The following LSAMP variants were observed in gnomAD, a reference collection of about 807,000 sequenced individuals.
The protein encoded by LSAMP is limbic system-associated membrane protein.
A neutral mutation model predicts 38.6 loss-of-function variants in LSAMP; 7 were observed. The observed-to-expected ratio is 0.18, with a 90% CI of 0.10 to 0.34. The LOEUF (loss-of-function observed/expected upper bound fraction) is 0.34. Among genes scored for constraint, LSAMP ranks in the 10% least tolerant of loss-of-function variants. The pLI, the probability that LSAMP is intolerant of heterozygous loss-of-function variation, is 1.00. For synonymous variants in LSAMP, 154 were observed against 166.8 expected (o/e 0.92, Z 0.59); for missense variants, 313 against 420.0 (o/e 0.75, Z 2.23).
chr3:116,326,348 A>G (rs773501962), intron 1 of LSAMP, among the ~76,000 whole-genome samples: 5 of 152,136 alleles, frequency 3.3e-5, no homozygotes, highest in African/African-American at 4.8e-5. Flanking sequence ...ATTTTTATTT[A>G]GGGCAAAAGA....
chr3:116,115,138 G>A (rs138036691), intron 1 of LSAMP, among the ~76,000 whole-genome samples: 1 of 152,248 alleles, frequency 6.6e-6, no homozygotes, highest in African/African-American at 2.4e-5. Flanking sequence ...TTACATTTGG[G>A]GAATTTATTT....
intron 2 of LSAMP, among the ~76,000 whole-genome samples, chr3:116,036,553 A>T (rs376222620): frequency 6.6e-6 from 1 of 152,128 alleles, no homozygotes; most frequent in Non-Finnish European, 1.5e-5. Flanking sequence ...GCCCACCCCA[A>T]TTATAAATCT....
At position 116,433,563 on chromosome 3, in the gene LSAMP, A is replaced by G. The variant is rs183929609; in HGVS notation, c.155+11314T>C. ...CCAGGAATGTGTAATGAGCTCTAAG[A>G]TGCAATGCCCAGGTAAGCATCACTA... On this transcript the variant is annotated intron_variant, in intron 1 of 6. Coordinates refer to ENST00000490035, the MANE Select transcript of LSAMP (RefSeq NM_002338.5). Among the ~76,000 whole-genome samples, 455 of 152,324 alleles carry G rather than the reference A, an allele frequency of 3.0e-3. 2 individuals are homozygous for G. Among genetic ancestry groups the G allele is most frequent in the African/African-American group, 8.4e-3 (349 of 41,574 alleles).
chr3:115,946,100 GA>G (rs1424537150), intron 3 of LSAMP, among the ~76,000 whole-genome samples: 1 of 152,136 alleles, frequency 6.6e-6, no homozygotes, highest in Non-Finnish European at 1.5e-5. Context: ...TTCTAGGTAT[GA>G]CAAAGTAATT....
rs1352019629 is a variant in LSAMP at position 115,869,269 on chromosome 3, G to GGGGAGAGAGAGAGAGAGA, written c.515-16653_515-16652insTCTCTCTCTCTCTCTCCC. ...CCTTCATAACCTCTATCTTGGAGGG[G>GGGGAGAGAGAGAGAGAGA]GAGAGAGAGAGAGAGAGAGAGAGAG... is the stretch of plus-strand genomic sequence containing the variant. On this transcript the variant is annotated intron_variant, in intron 3 of 6. Transcript: ENST00000490035. Among the ~76,000 whole-genome samples, 118 of 128,488 alleles carry GGGGAGAGAGAGAGAGAGA rather than the reference G, an allele frequency of 9.2e-4. 1 individual carries two copies. In the Admixed American group the frequency reaches 1.0e-2, roughly 11 times the overall value. The allele number at this position is 128,488 out of a possible 152,430, so 84.3% of individuals were successfully genotyped here. A position where few individuals can be genotyped will look rare whatever the true frequency, so the allele number is the denominator to read the frequency against.
chr3:116,025,658 T>C (rs963126695), intron 2 of LSAMP, among the ~76,000 whole-genome samples: 1 of 152,150 alleles, frequency 6.6e-6, no homozygotes. Flanking sequence ...CCTATAATTT[T>C]TTAGCCAATG....
intron 3 of LSAMP, among the ~76,000 whole-genome samples, chr3:115,940,044 G>A (rs931916658): frequency 3.9e-5 from 6 of 152,070 alleles, no homozygotes; most frequent in East Asian, 3.9e-4. Context: ...GCAGACCTTC[G>A]CAGTGAGTGT....
intron 3 of LSAMP, among the ~76,000 whole-genome samples, chr3:115,934,365 A>G (rs1383840890): frequency 2.6e-5 from 4 of 151,626 alleles, no homozygotes; most frequent in Admixed American, 1.3e-4. Flanking sequence ...TTTAGTAGAG[A>G]TGGATTTCAC....
intron 1 of LSAMP, among the ~76,000 whole-genome samples, chr3:116,159,594 AAAT>A (rs1709834007): frequency 6.6e-6 from 1 of 152,210 alleles, no homozygotes; most frequent in Non-Finnish European, 1.5e-5. Context: ...AAAAGTCAAG[AAAT>A]AATAAATGCT....
At chr3:115,971,733 T>A (rs1264319410) in intron 3 of LSAMP, among the ~76,000 whole-genome samples, 3 of 152,166 alleles carry the variant, frequency 2.0e-5, no homozygotes, top group Non-Finnish European at 4.4e-5. Context: ...TCCTACTGTA[T>A]ACAACATTAA....
intron 1 of LSAMP, among the ~76,000 whole-genome samples, chr3:116,379,251 G>GC (rs2048529155): frequency 6.6e-6 from 1 of 151,960 alleles, no homozygotes; most frequent in East Asian, 1.9e-4. Flanking sequence ...AGTCGCATAT[G>GC]TTTTCAGTGT....
intron 1 of LSAMP, among the ~76,000 whole-genome samples, chr3:116,178,772 A>G (rs1156397957): frequency 6.6e-6 from 1 of 152,186 alleles, no homozygotes; most frequent in African/African-American, 2.4e-5. Context: ...ATAAAAATAA[A>G]TAAATTTTAA....
intron 2 of LSAMP, among the ~76,000 whole-genome samples, chr3:116,075,421 C>A (rs949474348): frequency 3.3e-5 from 5 of 152,024 alleles, no homozygotes; most frequent in African/African-American, 1.2e-4. Context: ...CAGGCGTGAG[C>A]CACAGCACCT....
chr3:116,116,855 C>T (rs1259298161), intron 1 of LSAMP, among the ~76,000 whole-genome samples: 3 of 152,160 alleles, frequency 2.0e-5, no homozygotes, highest in Non-Finnish European at 2.9e-5. Flanking sequence ...CATAGGTTCT[C>T]TGGCCAACAG....
chr3:115,902,531 A>C (rs1936902704), intron 3 of LSAMP, among the ~76,000 whole-genome samples: 1 of 152,200 alleles, frequency 6.6e-6, no homozygotes, highest in Non-Finnish European at 1.5e-5. Flanking sequence ...ACAGCAAAAG[A>C]AACTATCAAG....
At chr3:116,162,734 GT>G (rs1447237005) in intron 1 of LSAMP, among the ~76,000 whole-genome samples, 4 of 147,272 alleles carry the variant, frequency 2.7e-5, no homozygotes, top group Non-Finnish European at 5.9e-5. Flanking sequence ...GTGAGAGTGT[GT>G]GTGTATATAT....
chr3:116,149,479 T>A (rs1299275794), intron 1 of LSAMP, among the ~76,000 whole-genome samples: 4 of 152,024 alleles, frequency 2.6e-5, no homozygotes, highest in African/African-American at 9.7e-5. Context: ...CACTCCTGTT[T>A]TTGTTAGTTT....
chr3:116,318,067 C>T (rs747635769), intron 1 of LSAMP, among the ~76,000 whole-genome samples: 7 of 137,826 alleles, frequency 5.1e-5, no homozygotes, highest in East Asian at 2.3e-4. Context: ...ACCCTGGAGG[C>T]GGAGGTTGCA....
chr3:116,185,904 A>AT (rs995121348), intron 1 of LSAMP, among the ~76,000 whole-genome samples: 1 of 151,966 alleles, frequency 6.6e-6, no homozygotes, highest in African/African-American at 2.4e-5. Context: ...CAAAAAAAAA[A>AT]AAAAAGACCT....
Sources: gnomAD v4.1 joint callset for allele counts (sites outside exome capture counted in the v4.1 genomes callset) on GRCh38, gnomAD v4.1.1 for gene constraint, MANE v1.5 for transcripts, NCBI Gene and HGNC (gene_info 2026-07-23, HGNC 2026-07-21) for gene names.